RSU1: variants seen among roughly 807,000 people sequenced by gnomAD.
The protein encoded by RSU1 is rsu-1.
RSU1 carries 26 observed loss-of-function variants against 31.1 expected under a neutral mutation model. The observed-to-expected ratio is 0.84, with a 90% CI of 0.61 to 1.16. The LOEUF (loss-of-function observed/expected upper bound fraction) is 1.16, where lower values mean the gene tolerates loss of function less well. Ranked by LOEUF, RSU1 falls within the 50% of genes most tolerant of loss-of-function variation. The probability of loss-of-function intolerance (pLI) is 0.00; values close to 1 mark genes in which losing one functional copy is unlikely to be tolerated. For missense variants in RSU1, 320 were observed against 339.1 expected (o/e 0.94, Z 0.44); for synonymous variants, 164 against 136.3 (o/e 1.20, Z -1.41).
Position 16,716,635 on chromosome 10 carries a change from C to T in RSU1, c.599-21480G>A, listed in dbSNP as rs1013724216. Among the ~76,000 whole-genome samples the T allele has an allele frequency of 1.1e-4, 16 of 151,932 alleles. No homozygotes were observed. The South Asian group carries it at 1.2e-3, about 12-fold the overall frequency. On this transcript the variant is annotated intron_variant, in intron 7 of 8. Coordinates refer to ENST00000345264, the MANE Select transcript of RSU1 (RefSeq NM_012425.4). ...TGCCTCTTCAGGAGGCACTGATAAGCGTATTTCAACCTTTGATCTATAACC... is the reference window on the plus strand; with the variant it reads ...TGCCTCTTCAGGAGGCACTGATAAGTGTATTTCAACCTTTGATCTATAACC...
At chr10:16,817,154 CG>C (rs1182451663) in intron 1 of RSU1, 70 bp from the exon 2 acceptor site, 2 of 1,097,194 alleles carry the variant, frequency 1.8e-6, no homozygotes, top group East Asian at 4.8e-5. Context: ...AAGAGGCCTT[CG>C]CTGCCACTCT....
chr10:16,639,726 C>T (rs1235561869), intron 8 of RSU1, among the ~76,000 whole-genome samples: 1 of 152,220 alleles, frequency 6.6e-6, no homozygotes, highest in East Asian at 1.9e-4. Flanking sequence ...CAAACAACTT[C>T]ATTCTGCATG....
At chr10:16,808,818 C>G (rs1444645429) in intron 2 of RSU1, among the ~76,000 whole-genome samples, 1 of 152,156 alleles carries the variant, frequency 6.6e-6, no homozygotes, top group African/African-American at 2.4e-5. Flanking sequence ...AAAATGAGGT[C>G]CTTAAGGTGG....
intron 7 of RSU1, among the ~76,000 whole-genome samples, chr10:16,721,061 T>G (rs928825359): frequency 1.3e-5 from 2 of 152,226 alleles, no homozygotes; most frequent in African/African-American, 2.4e-5. Flanking sequence ...AAGTACATTT[T>G]CATTCACAAA....
In RSU1 at chr10:16,685,116, A is replaced by C. The variant is rs2131552788; in HGVS notation, c.731+9907T>G. 2.6e-5 allele frequency among the ~76,000 whole-genome samples: 4 copies of C among 152,178 alleles called. No homozygotes were observed. In the East Asian group the frequency reaches 7.8e-4, roughly 30 times the overall value. On this transcript the variant is annotated intron_variant, in intron 8 of 8. Transcript: ENST00000345264. ...CACAAAAAAATTAGCTGGGCATGGTAGTGTGTGCCTGTAACCCCAGGTACT... is the reference window on the plus strand; with the variant it reads ...CACAAAAAAATTAGCTGGGCATGGTCGTGTGTGCCTGTAACCCCAGGTACT...
At chr10:16,643,549 A>C (rs1221449396) in intron 8 of RSU1, among the ~76,000 whole-genome samples, 2 of 152,194 alleles carry the variant, frequency 1.3e-5, no homozygotes, top group Non-Finnish European at 2.9e-5. Context: ...TTAAAATGAC[A>C]AACACCTTGT....
intron 3 of RSU1, among the ~76,000 whole-genome samples, chr10:16,778,242 T>C (rs1837577055): frequency 6.6e-6 from 1 of 152,070 alleles, no homozygotes. Context: ...CATCACGCTC[T>C]ACCATGTTTG....
At position 16,808,043 on chromosome 10, in the gene RSU1, A is replaced by T. The variant is rs571244778; in HGVS notation, c.109+8930T>A. On this transcript the variant is annotated intron_variant, in intron 2 of 8. Coordinates refer to ENST00000345264, the MANE Select transcript of RSU1 (RefSeq NM_012425.4). ...GTCTCAAAAAAAAAAAAAAAAAAGA[A>T]TTCTGAAAATGAATGCCTTACGGTA... Among the ~76,000 whole-genome samples, 51 of 147,004 alleles carry T rather than the reference A, an allele frequency of 3.5e-4. No homozygotes were observed. In the East Asian group the frequency reaches 9.4e-3, roughly 27 times the overall value.
chr10:16,773,184 T>G (rs7075494), intron 3 of RSU1, among the ~76,000 whole-genome samples: 32,032 of 150,984 alleles, frequency 0.21, 3,561 homozygotes, highest in African/African-American at 0.29. Flanking sequence ...GGGCAACAAC[T>G]TGAGACCCTG....
intron 6 of RSU1, 127 bp downstream of exon 6, chr10:16,752,791 A>G (rs948859793): frequency 1.9e-6 from 2 of 1,030,388 alleles, no homozygotes; most frequent in Non-Finnish European, 3.0e-6. Flanking sequence ...ATAATCAAGA[A>G]ACACTATCAG....
chr10:16,720,016 T>C (rs910041072), intron 7 of RSU1, among the ~76,000 whole-genome samples: 4 of 152,192 alleles, frequency 2.6e-5, no homozygotes, highest in Non-Finnish European at 4.4e-5. Context: ...TTAACTCATC[T>C]CCCAAAGGTC....
intron 8 of RSU1, among the ~76,000 whole-genome samples, chr10:16,609,427 A>C (rs1009982171): frequency 1.3e-5 from 2 of 152,186 alleles, no homozygotes; most frequent in African/African-American, 4.8e-5. Context: ...CCAAGAATCC[A>C]AAGTGTTTCA....
intron 2 of RSU1, among the ~76,000 whole-genome samples, chr10:16,790,278 C>T (rs1056192193): frequency 6.6e-6 from 1 of 152,134 alleles, no homozygotes; most frequent in Non-Finnish European, 1.5e-5. Flanking sequence ...GAGGCAGCAT[C>T]GACCACACAT....
chr10:16,726,425 C>T (rs1836395287), intron 7 of RSU1, among the ~76,000 whole-genome samples: 1 of 152,004 alleles, frequency 6.6e-6, no homozygotes, highest in Non-Finnish European at 1.5e-5. Flanking sequence ...CACCACCACG[C>T]CCAGCTAATT....
chr10:16,700,444 T>C (rs1186792071), intron 7 of RSU1, among the ~76,000 whole-genome samples: 3 of 152,114 alleles, frequency 2.0e-5, no homozygotes, highest in African/African-American at 7.2e-5. Flanking sequence ...TGGGACATAA[T>C]AACAGCTGAA....
At chr10:16,725,844 G>A (rs755748999) in intron 7 of RSU1, among the ~76,000 whole-genome samples, 2 of 142,584 alleles carry the variant, frequency 1.4e-5, no homozygotes, top group African/African-American at 2.6e-5. Flanking sequence ...TAGTATGCAG[G>A]AACAAAGGAT....
chr10:16,679,939 T>C (rs1488948245), intron 8 of RSU1, among the ~76,000 whole-genome samples: 4 of 146,376 alleles, frequency 2.7e-5, no homozygotes, highest in Non-Finnish European at 5.9e-5. Flanking sequence ...TGGAGTGCAG[T>C]GGCACAATCT....
chr10:16,726,137 G>T (rs747539391), intron 7 of RSU1, among the ~76,000 whole-genome samples: 5 of 151,578 alleles, frequency 3.3e-5, no homozygotes, highest in African/African-American at 7.3e-5. Context: ...CATAGTAAAA[G>T]TTCAGAAATT....
At chr10:16,771,951 T>TA (rs759797276) in intron 3 of RSU1, among the ~76,000 whole-genome samples, 1 of 152,236 alleles carries the variant, frequency 6.6e-6, no homozygotes, top group Non-Finnish European at 1.5e-5. Context: ...ATTAGCTTTA[T>TA]AAATAACAAT....
Sources: gnomAD v4.1 joint callset for allele counts (sites outside exome capture counted in the v4.1 genomes callset) on GRCh38, gnomAD v4.1.1 for gene constraint, MANE v1.5 for transcripts, NCBI Gene and HGNC (gene_info 2026-07-23, HGNC 2026-07-21) for gene names.